XIRP2: variants seen among roughly 807,000 people sequenced by gnomAD.
XIRP2 encodes xin actin-binding repeat-containing protein 2.
Under a neutral mutation model 277.0 loss-of-function variants are expected in XIRP2, and 236 were observed. The ratio of observed to expected loss-of-function variants is 0.85; its 90% CI spans 0.77 to 0.95. The LOEUF (loss-of-function observed/expected upper bound fraction) is 0.95, where lower values mean the gene tolerates loss of function less well. XIRP2 is among the 40% of genes least tolerant of loss of function. XIRP2 has a pLI of 0.00. For synonymous variants in XIRP2, 1,490 were observed against 1,416.5 expected, an observed-to-expected ratio of 1.05 and a Z score of -1.17; for missense variants, 4,640 against 4,157.5, an observed-to-expected ratio of 1.12 and a Z score of -3.19.
intron 2 of XIRP2, among the ~76,000 whole-genome samples, chr2:167,046,754 T>G (rs1475116127): frequency 1.3e-5 from 2 of 151,842 alleles, no homozygotes. Flanking sequence ...AGGGAAACAG[T>G]AGACACTGGA....
chr2:167,243,616 T>A lies in XIRP2; in HGVS notation c.2224T>A (p.Tyr742Asn). ...SIKCFETQPL[Y>N]VIRDGSGQML... ...AAAATGTTTCGAAACTCAACCATTA[T>A]ATGTTATTAGAGATGGTTCGGGCCA... is the stretch of plus-strand genomic sequence containing the variant. Residue 742 changes from tyrosine (Y) to asparagine (N), a missense_variant, in exon 9 of 11, where the codon TAT becomes AAT. Transcript: ENST00000409195. 2 of 1,614,068 alleles carry A rather than the reference T, an allele frequency of 1.2e-6. No individual in the cohort carries two copies. Among genetic ancestry groups the A allele is most frequent in the South Asian group, 2.2e-5 (2 of 91,078 alleles).
At chr2:167,091,368 T>C (rs1427892896) in intron 2 of XIRP2, among the ~76,000 whole-genome samples, 1 of 152,168 alleles carries the variant, frequency 6.6e-6, no homozygotes, top group Non-Finnish European at 1.5e-5. Context: ...TATGCACTTA[T>C]CCGTATTTTG....
At chr2:167,116,274 C>A (rs951998247) in intron 2 of XIRP2, among the ~76,000 whole-genome samples, 7 of 152,130 alleles carry the variant, frequency 4.6e-5, no homozygotes, top group Non-Finnish European at 1.0e-4. Context: ...GTCTATTTCT[C>A]TATTCAGTTC....
rs780432425 is a variant in XIRP2, at chr2:167,248,950, A to G, written c.7558A>G (p.Lys2520Glu). 6.2e-7 allele frequency: 1 copy of G among 1,613,810 alleles called. No individual in the cohort carries two copies. Among genetic ancestry groups the G allele is most frequent in the Non-Finnish European group, 8.5e-7 (1 of 1,179,794 alleles). Reference protein sequence around the residue: ...PRKKQIAPLIKSHSFPESSGQ... With the variant: ...PRKKQIAPLIESHSFPESSGQ... ...GAAAAAACAGATTGCGCCTCTTATA[A>G]AATCTCATTCATTTCCAGAGAGTTC... The change falls in exon 9 of 11, where the codon AAA (lysine) becomes GAA (glutamate). Residue 2520 changes from lysine to glutamate, a missense_variant. Coordinates refer to ENST00000409195, the MANE Select transcript of XIRP2 (RefSeq NM_152381.6).
chr2:167,181,309 T>C (rs777284086), intron 3 of XIRP2, among the ~76,000 whole-genome samples: 11 of 152,200 alleles, frequency 7.2e-5, no homozygotes, highest in Non-Finnish European at 1.5e-4. Flanking sequence ...TTGGGGAAAC[T>C]ATTTGTTCTT....
chr2:167,250,861 A>G lies in XIRP2; in HGVS notation c.9469A>G (p.Arg3157Gly), dbSNP rs757584837. The G allele has an allele frequency of 1.2e-6, 2 of 1,613,326 alleles. No homozygotes were observed. Among genetic ancestry groups the G allele is most frequent in the African/African-American group, 2.7e-5 (2 of 74,750 alleles). The change falls in exon 9 of 11, where the codon AGG (arginine) becomes GGG (glycine). Residue 3157 changes from arginine to glycine, a missense_variant. Arg to Gly is a moderately radical substitution (Grantham distance 125). Coordinates refer to ENST00000409195, the MANE Select transcript of XIRP2 (RefSeq NM_152381.6). ...CAGTTATGTTGAACCCCCACCAAGA[A>G]GGCCCATGTCGCAAAAATCTGAAAT... ...KDSYVEPPPR[R>G]PMSQKSEIHR...
At chr2:166,903,389 T>C (rs1684432240) in intron 1 of XIRP2, 76 bp from the exon 2 acceptor site, 2 of 1,422,564 alleles carry the variant, frequency 1.4e-6, no homozygotes, top group African/African-American at 1.4e-5. Flanking sequence ...GAGCTGGTGC[T>C]CCTAGAGTAT....
rs532621184 is a variant in XIRP2, at chr2:167,023,383, A to C, written c.409-112526A>C. The stretch of plus-strand genomic sequence containing the variant: ...CTTTGTCAGATGAGTAGGTTGCAAA[A>C]ATTTTCTCCCATTTTGTAGGTTGCC... On this transcript the variant is annotated intron_variant, in intron 2 of 10. Coordinates refer to ENST00000409195, the MANE Select transcript of XIRP2 (RefSeq NM_152381.6). 6.3e-3 allele frequency among the ~76,000 whole-genome samples: 964 copies of C among 151,826 alleles called. 7 individuals are homozygous for C. The highest frequency in any genetic ancestry group is 9.1e-3 in the Non-Finnish European group (616 of 67,938).
chr2:167,204,201 GT>G (rs764808116), intron 3 of XIRP2, among the ~76,000 whole-genome samples: 8 of 151,998 alleles, frequency 5.3e-5, no homozygotes, highest in Non-Finnish European at 1.2e-4. Flanking sequence ...ATAAATTCTG[GT>G]TTCTCTGCTC....
intron 2 of XIRP2, among the ~76,000 whole-genome samples, chr2:167,045,273 G>A (rs116466705): frequency 0.023 from 3,422 of 151,628 alleles, 101 homozygotes; most frequent in East Asian, 0.074. Flanking sequence ...AAAGACTTAA[G>A]CATAAAACCT....
At chr2:166,908,475 T>G (rs1295227434) in intron 2 of XIRP2, among the ~76,000 whole-genome samples, 1 of 152,214 alleles carries the variant, frequency 6.6e-6, no homozygotes, top group Admixed American at 6.5e-5. Context: ...TGTTTTTTTC[T>G]TGTAAGTTTG....
At chr2:167,180,040 A>T (rs1692971230) in intron 3 of XIRP2, among the ~76,000 whole-genome samples, 1 of 152,238 alleles carries the variant, frequency 6.6e-6, no homozygotes, top group African/African-American at 2.4e-5. Context: ...GTTCAAATCT[A>T]TGTCCATTAC....
intron 2 of XIRP2, among the ~76,000 whole-genome samples, chr2:166,956,804 C>T (rs1397704): frequency 0.086 from 13,121 of 151,750 alleles, 827 homozygotes; most frequent in Admixed American, 0.17. Flanking sequence ...AAAAGTGCTT[C>T]CCTGGAAGAT....
At chr2:166,888,921 T>C (rs1684026502) in intron 1 of XIRP2, among the ~76,000 whole-genome samples, 1 of 152,148 alleles carries the variant, frequency 6.6e-6, no homozygotes, top group Admixed American at 6.5e-5. Flanking sequence ...GGGAAGAAAT[T>C]TAACAAAAAC....
Position 167,249,647 on chromosome 2 carries a change from A to G in XIRP2, c.8255A>G (p.Lys2752Arg), listed in dbSNP as rs756210160. The stretch of plus-strand genomic sequence containing the variant: ...ACCAAAAAACAATATCTGAAAACCA[A>G]GAAAACTGAAGCAAGCACTGAATGT... ...TFTKKQYLKT[K>R]KTEASTECSH... The change falls in exon 9 of 11, where the codon AAG (lysine) becomes AGG (arginine). Residue 2752 changes from lysine to arginine, a missense_variant. By Grantham distance (26) the Lys-to-Arg change is conservative (BLOSUM62 2). Transcript: ENST00000409195. The G allele has an allele frequency of 3.1e-6, 5 of 1,613,478 alleles. No homozygotes were observed. The African/African-American group carries it at 5.3e-5, about 17-fold the overall frequency.
intron 2 of XIRP2, among the ~76,000 whole-genome samples, chr2:166,942,054 A>G (rs951470935): frequency 4.6e-5 from 7 of 152,312 alleles, no homozygotes; most frequent in African/African-American, 1.4e-4. Context: ...ATTCTACTCA[A>G]TAGTCAGTAG....
chr2:167,198,079 T>C (rs1693570128), intron 3 of XIRP2, among the ~76,000 whole-genome samples: 2 of 152,176 alleles, frequency 1.3e-5, no homozygotes, highest in Admixed American at 6.5e-5. Flanking sequence ...TTTTTAAAGA[T>C]AAATAACTGT....
intron 2 of XIRP2, among the ~76,000 whole-genome samples, chr2:167,128,458 G>A (rs1207568562): frequency 1.3e-5 from 2 of 152,032 alleles, no homozygotes; most frequent in Non-Finnish European, 2.9e-5. Flanking sequence ...TGGCGAGCTG[G>A]GAAACCCGTG....
In XIRP2 at chr2:167,258,679, T is replaced by C. The variant is rs1259465114; in HGVS notation, c.*862T>C. On this transcript the variant is annotated 3_prime_UTR_variant, in exon 11 of 11. Transcript: ENST00000409195. ...ATTTGAATAAGAATAATAATAACAA[T>C]TATGTAGCAGTCTCATATCTGAATA... is the stretch of plus-strand genomic sequence containing the variant. The C allele has an allele frequency of 1.2e-6, 2 of 1,612,126 alleles. No homozygotes were observed. The highest frequency in any genetic ancestry group is 1.1e-5 in the South Asian group (1 of 90,890).
Sources: allele counts gnomAD v4.1 joint callset (sites outside exome capture counted in the v4.1 genomes callset), GRCh38; gene constraint gnomAD v4.1.1; transcripts MANE v1.5; gene names NCBI Gene and HGNC (gene_info 2026-07-23, HGNC 2026-07-21).